Variants in ASIC2 observed in about 807,000 individuals in gnomAD.
ASIC2 encodes the protein acid-sensing ion channel 2.
ASIC2 carries 25 observed loss-of-function variants against 57.3 expected under a neutral mutation model. That is an observed-to-expected ratio of 0.44 (90% CI 0.32 to 0.61). The LOEUF (loss-of-function observed/expected upper bound fraction) is 0.61. Ranked by LOEUF, ASIC2 falls within the 20% of genes least tolerant of loss-of-function variation. The probability of loss-of-function intolerance (pLI) is 0.06; values close to 1 mark genes in which losing one functional copy is unlikely to be tolerated. For synonymous variants in ASIC2, 319 were observed against 307.5 expected (o/e 1.04, Z -0.39); for missense variants, 641 against 738.1 (o/e 0.87, Z 1.52).
intron 1 of ASIC2, among the ~76,000 whole-genome samples, chr17:33,586,809 TAC>T (rs768141762): frequency 6.6e-6 from 1 of 152,200 alleles, no homozygotes; most frequent in Non-Finnish European, 1.5e-5. Context: ...TCATGCTACT[TAC>T]ATCCAGCATT....
intron 1 of ASIC2, among the ~76,000 whole-genome samples, chr17:34,063,532 G>A (rs1007223217): frequency 6.6e-6 from 1 of 152,104 alleles, no homozygotes; most frequent in African/African-American, 2.4e-5. Context: ...AATCAGACAA[G>A]AGAAAGAAAT....
chr17:33,461,102 T>A (rs1016138109), intron 1 of ASIC2, among the ~76,000 whole-genome samples: 4 of 152,232 alleles, frequency 2.6e-5, no homozygotes, highest in Non-Finnish European at 5.9e-5. Context: ...TAGCTCTATA[T>A]AAGAAATGTA....
At chr17:33,753,741 T>C (rs1266243236) in intron 1 of ASIC2, among the ~76,000 whole-genome samples, 1 of 152,228 alleles carries the variant, frequency 6.6e-6, no homozygotes, top group Non-Finnish European at 1.5e-5. Context: ...TATGAGTGGT[T>C]TGAAGTATGG....
At chr17:33,707,759 G>A (rs1027137562) in intron 1 of ASIC2, among the ~76,000 whole-genome samples, 4 of 152,060 alleles carry the variant, frequency 2.6e-5, no homozygotes, top group East Asian at 3.9e-4. Flanking sequence ...GTATCTTTTC[G>A]CATTTAAAAG....
intron 1 of ASIC2, among the ~76,000 whole-genome samples, chr17:33,563,481 T>G (rs545842132): frequency 3.3e-5 from 5 of 152,204 alleles, no homozygotes; most frequent in Non-Finnish European, 7.3e-5. Context: ...TACCTCCTCC[T>G]GCTCCCCATC....
chr17:33,274,409 G>A (rs1044187252), intron 1 of ASIC2, among the ~76,000 whole-genome samples: 2 of 152,206 alleles, frequency 1.3e-5, no homozygotes, highest in African/African-American at 2.4e-5. Flanking sequence ...CTGTCTCCTA[G>A]CGTATAGTTC....
chr17:33,809,026 G>C (rs971022366), intron 1 of ASIC2, among the ~76,000 whole-genome samples: 3 of 152,212 alleles, frequency 2.0e-5, no homozygotes, highest in African/African-American at 7.2e-5. Context: ...ACTCTGTCCA[G>C]TGAGGTGAAA....
chr17:33,722,248 A>G (rs1434799511), intron 1 of ASIC2, among the ~76,000 whole-genome samples: 1 of 152,160 alleles, frequency 6.6e-6, no homozygotes, highest in Non-Finnish European at 1.5e-5. Flanking sequence ...CTTGGCTGCC[A>G]CCATGTAAGA....
At chr17:33,166,094 G>C (rs1449357417) in intron 1 of ASIC2, among the ~76,000 whole-genome samples, 1 of 152,150 alleles carries the variant, frequency 6.6e-6, no homozygotes, top group African/African-American at 2.4e-5. Flanking sequence ...TGAATTCCAG[G>C]CTGTGAGACC....
At chr17:33,359,226 C>G (rs1908504818) in intron 1 of ASIC2, among the ~76,000 whole-genome samples, 1 of 152,190 alleles carries the variant, frequency 6.6e-6, no homozygotes, top group Admixed American at 6.5e-5. Context: ...AGCTAACTCC[C>G]ACATGATCCA....
At chr17:33,033,338 G>C (rs553843564) in intron 3 of ASIC2, among the ~76,000 whole-genome samples, 1 of 152,292 alleles carries the variant, frequency 6.6e-6, no homozygotes, top group South Asian at 2.1e-4. Context: ...CAACAGGCAG[G>C]ATCTGCCTTC....
At chr17:33,442,078 T>C (rs1194906585) in intron 1 of ASIC2, among the ~76,000 whole-genome samples, 3 of 152,218 alleles carry the variant, frequency 2.0e-5, no homozygotes, top group African/African-American at 7.2e-5. Flanking sequence ...TTGTCAAATA[T>C]TAATTAACCA....
In ASIC2 at chr17:33,221,298, A is replaced by T. The variant is rs915913158; in HGVS notation, c.708+70110T>A. 3.3e-5 allele frequency among the ~76,000 whole-genome samples: 5 copies of T among 152,170 alleles called. No individual in the cohort carries two copies. The South Asian group carries it at 6.2e-4, about 19-fold the overall frequency. On this transcript the variant is annotated intron_variant, in intron 1 of 9. Coordinates refer to ENST00000225823, the MANE Select transcript of ASIC2 (RefSeq NM_183377.2). ...CTTGTGAATGTTCAAATACCCTTCC[A>T]TATTACCGAAAAATAAAAAATTAAA...
intron 1 of ASIC2, among the ~76,000 whole-genome samples, chr17:33,544,137 G>C (rs774523769): frequency 1.8e-4 from 28 of 152,124 alleles, no homozygotes; most frequent in Non-Finnish European, 3.2e-4. Flanking sequence ...CTTGTAGTTT[G>C]TAGTCTTTTG....
At chr17:33,532,493 T>C (rs1597770096) in intron 1 of ASIC2, among the ~76,000 whole-genome samples, 1 of 151,948 alleles carries the variant, frequency 6.6e-6, no homozygotes, top group Non-Finnish European at 1.5e-5. Context: ...ATCTGGGAGG[T>C]GAAATCCAGT....
chr17:33,045,138 T>C lies in ASIC2; in HGVS notation c.988-16746A>G, dbSNP rs2091947902. ...CTGTACCAGCTGAGGGCCTGAACAGTTCTCCATAATTGTTAATGTGAATCC... is the reference window on the plus strand; with the variant it reads ...CTGTACCAGCTGAGGGCCTGAACAGCTCTCCATAATTGTTAATGTGAATCC... On this transcript the variant is annotated intron_variant, in intron 3 of 9. Transcript: ENST00000225823. Among the ~76,000 whole-genome samples, 3 of 151,966 alleles carry C rather than the reference T, an allele frequency of 2.0e-5. 1 individual carries two copies. In the South Asian group the frequency reaches 6.2e-4, roughly 32 times the overall value.
chr17:34,097,824 A>AG (rs1910602400), intron 1 of ASIC2, among the ~76,000 whole-genome samples: 2 of 152,132 alleles, frequency 1.3e-5, no homozygotes, highest in African/African-American at 2.4e-5. Context: ...AAACTGCATG[A>AG]GGTGGGCATT....
intron 1 of ASIC2, among the ~76,000 whole-genome samples, chr17:34,048,758 T>G (rs1908430566): frequency 6.6e-6 from 1 of 152,226 alleles, no homozygotes; most frequent in African/African-American, 2.4e-5. Flanking sequence ...AACACAGTCT[T>G]CCATCGGATG....
intron 1 of ASIC2, among the ~76,000 whole-genome samples, chr17:33,166,801 C>A (rs319772): frequency 0.42 from 63,918 of 152,140 alleles, 15,167 homozygotes; most frequent in Non-Finnish European, 0.55. Flanking sequence ...CTGGCTTTGC[C>A]GAATGCATCT....
Sources: gnomAD v4.1 joint callset for allele counts (sites outside exome capture counted in the v4.1 genomes callset) on GRCh38, gnomAD v4.1.1 for gene constraint, MANE v1.5 for transcripts, NCBI Gene and HGNC (gene_info 2026-07-23, HGNC 2026-07-21) for gene names.